The following ZNF493 variants were observed in gnomAD, a reference collection of about 807,000 sequenced individuals.
The protein encoded by ZNF493 is zinc finger protein 493.
Under a neutral mutation model 12.2 loss-of-function variants are expected in ZNF493, and 11 were observed. That is an observed-to-expected ratio of 0.90 (90% confidence interval 0.57 to 1.50). The LOEUF is 1.50. Among genes scored for constraint, ZNF493 ranks in the 40% most tolerant of loss-of-function variants. The pLI, the probability that ZNF493 is intolerant of heterozygous loss-of-function variation, is 0.00. For synonymous variants in ZNF493, 286 were observed against 302.6 expected (o/e 0.95, Z 0.57); for missense variants, 950 against 906.6 (o/e 1.05, Z -0.61).
chr19:21,404,822 T>C (rs1373038292), intron 1 of ZNF493, among the ~76,000 whole-genome samples: 1 of 152,150 alleles, frequency 6.6e-6, no homozygotes, highest in Non-Finnish European at 1.5e-5. Context: ...ACACAACTCA[T>C]TCTTTGTGTG....
Position 21,418,570 on chromosome 19 carries a change from G to A in ZNF493, c.254-4343G>A, listed in dbSNP as rs58217248. On this transcript the variant is annotated intron_variant, in intron 3 of 3. Coordinates refer to ENST00000392288, the MANE Select transcript of ZNF493 (RefSeq NM_001076678.3). ...TCGGTCAGGGAGACCCTAACCCAGC[G>A]GCACTAGAGGAATTAAAGACACACA... Among the ~76,000 whole-genome samples the A allele has an allele frequency of 8.7e-3, 1,331 of 152,196 alleles. 14 individuals carry two copies. Among genetic ancestry groups the A allele is most frequent in the African/African-American group, 0.03 (1,265 of 41,530 alleles).
chr19:21,403,732 C>G (rs1388551901), intron 1 of ZNF493, among the ~76,000 whole-genome samples: 1 of 152,074 alleles, frequency 6.6e-6, no homozygotes, highest in African/African-American at 2.4e-5. Flanking sequence ...TGCGTTTAGT[C>G]CTTGCAAACC....
At chr19:21,420,123 C>A (rs1568382293) in intron 3 of ZNF493, among the ~76,000 whole-genome samples, 2 of 152,244 alleles carry the variant, frequency 1.3e-5, no homozygotes, top group Middle Eastern at 3.4e-3. Flanking sequence ...GTAGCAGGAA[C>A]CTGTCTCCTT....
At chr19:21,407,568 C>G (rs1027646086) in intron 3 of ZNF493, 3 of 938,500 alleles carry the variant, frequency 3.2e-6, no homozygotes, top group Non-Finnish European at 3.8e-6. Flanking sequence ...GTATTACAGG[C>G]GTGAGCCACC....
At chr19:21,403,093 G>A (rs1028524187) in intron 1 of ZNF493, among the ~76,000 whole-genome samples, 3 of 152,258 alleles carry the variant, frequency 2.0e-5, no homozygotes, top group Non-Finnish European at 4.4e-5. Flanking sequence ...ATTTGAGGAT[G>A]TCAGGGACAG....
chr19:21,399,042 GA>G (rs1974218089), intron 1 of ZNF493: 1 of 153,186 alleles, frequency 6.5e-6, no homozygotes, highest in Admixed American at 6.5e-5. Flanking sequence ...AGTGTCTCCT[GA>G]ATGGGTGGTT....
At chr19:21,402,093 G>A (rs898690285) in intron 1 of ZNF493, among the ~76,000 whole-genome samples, 33 of 151,712 alleles carry the variant, frequency 2.2e-4, no homozygotes, top group African/African-American at 7.8e-4. Context: ...TCAGCCTCCC[G>A]AGTAGCTGGG....
chr19:21,423,537 A>T lies in ZNF493; in HGVS notation c.878A>T (p.Tyr293Phe). ...CTAATTCATACTAGAGAGAAACCCTATAAATGTGAACAATATGGCAAAACT... is the reference window on the plus strand; with the variant it reads ...CTAATTCATACTAGAGAGAAACCCTTTAAATGTGAACAATATGGCAAAACT... ...HKLIHTREKP[Y>F]KCEQYGKTFN... The change falls in exon 4 of 4, where the codon TAT becomes TTT. Residue 293 changes from tyrosine to phenylalanine, a missense_variant. Coordinates refer to ENST00000392288, the MANE Select transcript of ZNF493 (RefSeq NM_001076678.3). The T allele has an allele frequency of 1.9e-6, 3 of 1,613,816 alleles. No homozygotes were observed. In the South Asian group the frequency reaches 3.3e-5, roughly 18 times the overall value.
Position 21,425,196 on chromosome 19 carries a change from G to C in ZNF493, c.*212G>C. On this transcript the variant is annotated 3_prime_UTR_variant, in exon 4 of 4. Coordinates refer to ENST00000392288, the MANE Select transcript of ZNF493 (RefSeq NM_001076678.3). Reference sequence around the variant, plus strand: ...TGGAGAGAAATTCTACAGATGTGAAGAATGTGGCAAAGGCTTTAATTAGTT... The same window carrying C: ...TGGAGAGAAATTCTACAGATGTGAACAATGTGGCAAAGGCTTTAATTAGTT... 1.5e-6 allele frequency: 1 copy of C among 661,314 alleles called. No individual in the cohort carries two copies. Among genetic ancestry groups the C allele is most frequent in the Non-Finnish European group, 2.7e-6 (1 of 375,932 alleles). 41.0% of individuals were successfully genotyped at this position (661,314 alleles called of 1,614,324 possible). A position where few individuals can be genotyped will look rare whatever the true frequency, so the allele number is the denominator to read the frequency against.
chr19:21,413,505 C>T (rs1230451183), intron 3 of ZNF493: 1 of 404,580 alleles, frequency 2.5e-6, no homozygotes, highest in East Asian at 3.5e-5. Flanking sequence ...TGATCTGTCC[C>T]AAGGTGGGTG....
intron 3 of ZNF493, chr19:21,413,528 G>C (rs530262830): frequency 2.5e-6 from 1 of 401,902 alleles, no homozygotes. Flanking sequence ...TGTGTTCGAC[G>C]TGTGTTGCTT....
intron 1 of ZNF493, chr19:21,398,630 T>A: frequency 2.3e-6 from 1 of 443,000 alleles, no homozygotes; most frequent in South Asian, 1.7e-5. Context: ...AGGTATGGAG[T>A]GTATCCTCTC....
chr19:21,406,546 C>T (rs1481239613), intron 3 of ZNF493, among the ~76,000 whole-genome samples: 2 of 152,116 alleles, frequency 1.3e-5, no homozygotes, highest in African/African-American at 4.8e-5. Context: ...TCTGCATCTG[C>T]ATGATTTTGA....
At chr19:21,408,321 G>T (rs1440413410) in intron 3 of ZNF493, 2 of 636,598 alleles carry the variant, frequency 3.1e-6, no homozygotes, top group Non-Finnish European at 3.9e-6. Context: ...TGGAGACGGG[G>T]TTTCACCATG....
In ZNF493 at chr19:21,426,358, CTG is replaced by C. The variant is rs1164153494; in HGVS notation, c.*1377_*1378del. On this transcript the variant is annotated 3_prime_UTR_variant, in exon 4 of 4. Transcript: ENST00000392288. ...TTGAGAAAAATTGTAGAAATATAGA[CTG>C]TGAAAAAGACGTCAATATCTGCTCA... 7 of 173,598 alleles carry C rather than the reference CTG, an allele frequency of 4.0e-5. No individual in the cohort carries two copies. Among genetic ancestry groups the C allele is most frequent in the South Asian group, 1.8e-4 (1 of 5,612 alleles). 10.8% of individuals were successfully genotyped at this position (173,598 alleles called of 1,614,324 possible). A position where few individuals can be genotyped will look rare whatever the true frequency, so the allele number is the denominator to read the frequency against.
Position 21,405,124 on chromosome 19 carries a change from T to G in ZNF493, c.31-5T>G, listed in dbSNP as rs761015866. On this transcript the variant is annotated splice_polypyrimidine_tract_variant and splice_region_variant and intron_variant, in intron 1 of 3. Transcript: ENST00000392288. ...TGTGTGTGTGTTTGTGTGTGTTTGTTTCAGGGGCCGTTGACATTTAGGGAT... is the reference window on the plus strand; with the variant it reads ...TGTGTGTGTGTTTGTGTGTGTTTGTGTCAGGGGCCGTTGACATTTAGGGAT... The G allele has an allele frequency of 6.2e-7, 1 of 1,612,798 alleles. No individual in the cohort carries two copies. The highest frequency in any genetic ancestry group is 1.3e-5 in the African/African-American group (1 of 74,862).
chr19:21,403,880 G>T (rs1194478667), intron 1 of ZNF493, among the ~76,000 whole-genome samples: 2 of 152,052 alleles, frequency 1.3e-5, no homozygotes, highest in African/African-American at 4.8e-5. Flanking sequence ...CTAAATCATG[G>T]CTTCTTATAC....
At chr19:21,404,810 A>T (rs555806366) in intron 1 of ZNF493, among the ~76,000 whole-genome samples, 2 of 152,362 alleles carry the variant, frequency 1.3e-5, no homozygotes, top group South Asian at 4.1e-4. Context: ...TCTGAAAAAT[A>T]TACACAACTC....
In ZNF493 at chr19:21,424,679, A is replaced by G; in HGVS notation, c.2020A>G (p.Lys674Glu). The G allele has an allele frequency of 6.2e-7, 1 of 1,613,700 alleles. No individual in the cohort carries two copies. The change falls in exon 4 of 4, where the codon AAA becomes GAA. Residue 674 changes from lysine to glutamate, a missense_variant. Coordinates refer to ENST00000392288, the MANE Select transcript of ZNF493 (RefSeq NM_001076678.3). ...KAFSIFSTLT[K>E]HKIIHTEEKP... Reference sequence around the variant, plus strand: ...CTTTAGTATATTCTCAACCCTTACTAAACATAAGATAATTCATACTGAAGA... The same window carrying G: ...CTTTAGTATATTCTCAACCCTTACTGAACATAAGATAATTCATACTGAAGA...
Sources: gnomAD v4.1 joint callset for allele counts (sites outside exome capture counted in the v4.1 genomes callset) on GRCh38, gnomAD v4.1.1 for gene constraint, MANE v1.5 for transcripts, NCBI Gene and HGNC (gene_info 2026-07-23, HGNC 2026-07-21) for gene names.